The following NGFR variants were observed in gnomAD, a reference collection of about 807,000 sequenced individuals.
NGFR encodes tumor necrosis factor receptor superfamily member 16.
Under a neutral mutation model 43.2 loss-of-function variants are expected in NGFR, and 30 were observed. The ratio of observed to expected loss-of-function variants is 0.69; its 90% CI spans 0.52 to 0.94. The LOEUF (loss-of-function observed/expected upper bound fraction) is 0.94, where lower values mean the gene tolerates loss of function less well. NGFR is among the 40% of genes least tolerant of loss of function. NGFR has a pLI of 0.00. For synonymous variants in NGFR, 246 were observed against 259.6 expected (o/e 0.95, Z 0.50); for missense variants, 529 against 602.5 (o/e 0.88, Z 1.28).
rs1351110254 is a variant in NGFR, at chr17:49,512,729, T to A, written c.1004T>A (p.Leu335His). The change falls in exon 6 of 6, where the codon CTC becomes CAC. Residue 335 changes from leucine (L) to histidine (H), a missense_variant. Coordinates refer to ENST00000172229, the MANE Select transcript of NGFR (RefSeq NM_002507.4). This position sits in a 1 kb window ranked among gnomAD's most constrained non-coding sequence, Gnocchi z 5.2. ...SGQALKGDGG[L>H]YSSLPPAKRE... ...GCAGCCCTCAAGGGTGACGGAGGCC[T>A]CTACAGCAGCCTGCCCCCAGCCAAG... is the stretch of plus-strand genomic sequence containing the variant. 1 of 1,608,594 alleles carries A rather than the reference T, an allele frequency of 6.2e-7. No individual in the cohort carries two copies. The highest frequency in any genetic ancestry group is 1.7e-5 in the Admixed American group (1 of 59,658).
intron 1 of NGFR, chr17:49,497,460 A>G (rs1422274056): frequency 6.6e-6 from 1 of 152,330 alleles, no homozygotes; most frequent in African/African-American, 2.4e-5. Context: ...GGGTCTGGGC[A>G]AGAGCGAGGG....
Position 49,506,595 on chromosome 17 carries a change from G to A in NGFR, c.505G>A (p.Val169Met), listed in dbSNP as rs1318730161. ...NHVDPCLPCT[V>M]CEDTERQLRE... ...CGTGGACCCGTGCCTGCCCTGCACC[G>A]TGTGCGAGGACACCGAGCGCCAGCT... Residue 169 changes from valine (V) to methionine (M), a missense_variant, in exon 3 of 6, where the codon GTG (valine) becomes ATG (methionine). Physicochemically the swap from Val to Met is conservative, Grantham distance 21 (BLOSUM62 1). Coordinates refer to ENST00000172229, the MANE Select transcript of NGFR (RefSeq NM_002507.4). 11 of 1,607,830 alleles carry A rather than the reference G, an allele frequency of 6.8e-6. No homozygotes were observed. Among genetic ancestry groups the A allele is most frequent in the South Asian group, 1.1e-5 (1 of 90,738 alleles).
intron 3 of NGFR, among the ~76,000 whole-genome samples, chr17:49,507,449 T>C (rs1213092229): frequency 1.3e-5 from 2 of 152,086 alleles, no homozygotes; most frequent in Non-Finnish European, 2.9e-5. Flanking sequence ...GACAAGGCAG[T>C]GCATGCTCGT....
At chr17:49,500,717 T>C (rs1288978460) in intron 1 of NGFR, among the ~76,000 whole-genome samples, 2 of 152,204 alleles carry the variant, frequency 1.3e-5, no homozygotes, top group Non-Finnish European at 2.9e-5. Flanking sequence ...GTTGCTGCCC[T>C]GGAGGAGGTG....
chr17:49,512,389 C>T lies in NGFR; in HGVS notation c.983-319C>T, dbSNP rs2071239210. 6.6e-6 allele frequency among the ~76,000 whole-genome samples: 1 copy of T among 152,222 alleles called. No individual in the cohort carries two copies. The highest frequency in any genetic ancestry group is 1.5e-5 in the Non-Finnish European group (1 of 68,042). Reference sequence around the variant, plus strand: ...GTTAAGTGTGTACCCTAATTAGTGGCCCATAGCCCAGCTCCGGGACACTTG... The same window carrying T: ...GTTAAGTGTGTACCCTAATTAGTGGTCCATAGCCCAGCTCCGGGACACTTG... On this transcript the variant is annotated intron_variant, in intron 5 of 5. Transcript: ENST00000172229. This position sits in a 1 kb window ranked among gnomAD's most constrained non-coding sequence, Gnocchi z 5.2.
chr17:49,511,843 C>T, intron 4 of NGFR, 49 bp from the exon 5 acceptor site: 1 of 1,496,686 alleles, frequency 6.7e-7, no homozygotes, highest in South Asian at 1.3e-5. Flanking sequence ...GCTGCATCGG[C>T]CACTACAGCC....
Position 49,502,092 on chromosome 17 carries a change from C to T in NGFR, c.96C>T (p.Cys32=). The change falls in exon 2 of 6, where the codon TGC becomes TGT. Residue 32 remains cysteine (C), a synonymous_variant. Transcript: ENST00000172229. The part of the protein sequence containing the change: ...GVSLGGAKEA[C]PTGLYTHSGE... ...CCCTTGGAGGTGCCAAGGAGGCATG[C>T]CCCACAGGCCTGTACACACACAGCG... The T allele has an allele frequency of 3.8e-6, 6 of 1,563,898 alleles. No homozygotes were observed. Among genetic ancestry groups the T allele is most frequent in the Non-Finnish European group, 5.2e-6 (6 of 1,149,170 alleles).
In NGFR at chr17:49,504,102, A is replaced by G. The variant is rs533434136; in HGVS notation, c.208+1898A>G. Among the ~76,000 whole-genome samples the G allele has an allele frequency of 1.3e-3, 192 of 151,272 alleles. 1 individual carries two copies. Among genetic ancestry groups the G allele is most frequent in the Non-Finnish European group, 2.4e-3 (161 of 67,810 alleles). ...TGCCTTTACAAGCCCACTTTATGGGACGGAGACCCCAGCGGACTTTCCCTC... is the reference window on the plus strand; with the variant it reads ...TGCCTTTACAAGCCCACTTTATGGGGCGGAGACCCCAGCGGACTTTCCCTC... On this transcript the variant is annotated intron_variant, in intron 2 of 5. Transcript: ENST00000172229.
intron 2 of NGFR, among the ~76,000 whole-genome samples, chr17:49,504,769 C>CTTTTTTTTTTTTTTTTTT (rs67010321): frequency 3.6e-5 from 4 of 110,928 alleles, no homozygotes; most frequent in Non-Finnish European, 7.6e-5. Context: ...TTCTTTCTTT[C>CTTTTTTTTTTTTTTTTTT]TTTTTTTTTT....
At chr17:49,501,999 A>AGCGGCCCCCCCCCC in intron 1 of NGFR, 64 bp from the exon 2 acceptor site, 1 of 330,984 alleles carries the variant, frequency 3.0e-6, no homozygotes, top group Non-Finnish European at 5.9e-6. Context: ...TCCCCGGAAG[A>AGCGGCCCCCCCCCC]ACCCCCCCCA....
rs1400060595 is a variant in NGFR, at chr17:49,495,307, C to G, written c.-111C>G. ...CGCCCGCAGCCAGAGCGAGCCGAGC[C>G]GCGGCCAGCTCCGGCGGGCAGGGGG... is the stretch of plus-strand genomic sequence containing the variant. On this transcript the variant is annotated 5_prime_UTR_variant, in exon 1 of 6. Transcript: ENST00000172229. The surrounding 1 kb of genome is among the most constrained non-coding windows in gnomAD (Gnocchi z 6.4). 1 of 909,540 alleles carries G rather than the reference C, an allele frequency of 1.1e-6. No individual in the cohort carries two copies. The highest frequency in any genetic ancestry group is 3.4e-5 in the East Asian group (1 of 29,492). The allele number at this position is 909,540 out of a possible 1,614,324, so 56.3% of individuals were successfully genotyped here.
At chr17:49,510,707 C>A in intron 4 of NGFR, 43 bp downstream of exon 4, 2 of 1,602,052 alleles carry the variant, frequency 1.2e-6, no homozygotes, top group South Asian at 2.2e-5. Context: ...AGATGTTTGC[C>A]CTCAAGGAAG....
chr17:49,510,268 C>T, intron 3 of NGFR, 144 bp from the exon 4 acceptor site: 2 of 1,213,926 alleles, frequency 1.6e-6, no homozygotes, highest in South Asian at 1.4e-5. Context: ...TGACATCATG[C>T]ACGCAATCCC....
chr17:49,502,000 A>ACCGCCCCCCCCCCCCC, intron 1 of NGFR, 63 bp from the exon 2 acceptor site: 1 of 264,886 alleles, frequency 3.8e-6, no homozygotes, highest in East Asian at 8.6e-5. Flanking sequence ...CCCCGGAAGA[A>ACCGCCCCCCCCCCCCC]CCCCCCCCAA....
At chr17:49,496,928 G>A (rs1196428232) in intron 1 of NGFR, 4 of 152,284 alleles carry the variant, frequency 2.6e-5, no homozygotes, top group Non-Finnish European at 5.9e-5. Context: ...GGCAACGGAG[G>A]AGGCGTCTTC....
At chr17:49,506,687 T>TGGGG (rs1208708275) in intron 3 of NGFR, 29 bp downstream of exon 3, 30 of 129,034 alleles carry the variant, frequency 2.3e-4, no homozygotes, top group Non-Finnish European at 2.7e-4. Context: ...GCGGGGGGAG[T>TGGGG]GGGGGTGCGG....
intron 3 of NGFR, among the ~76,000 whole-genome samples, chr17:49,508,108 T>A (rs2071210394): frequency 6.6e-6 from 1 of 152,090 alleles, no homozygotes; most frequent in Non-Finnish European, 1.5e-5. Context: ...AGGAGTAGGA[T>A]GTGGTGGTTC....
At chr17:49,508,754 C>G (rs11466144) in intron 3 of NGFR, among the ~76,000 whole-genome samples, 2 of 151,988 alleles carry the variant, frequency 1.3e-5, no homozygotes, top group Non-Finnish European at 1.5e-5. Context: ...CTCATCCCCC[C>G]GCCCCCGTCA....
chr17:49,502,000 A>AGGGG, intron 1 of NGFR, 63 bp from the exon 2 acceptor site: 10 of 264,884 alleles, frequency 3.8e-5, no homozygotes, highest in Non-Finnish European at 6.3e-5. Flanking sequence ...CCCCGGAAGA[A>AGGGG]CCCCCCCCAA....
Sources: allele counts gnomAD v4.1 joint callset (sites outside exome capture counted in the v4.1 genomes callset), GRCh38; gene constraint gnomAD v4.1.1; non-coding constraint Gnocchi (gnomAD v3.1); transcripts MANE v1.5; gene names NCBI Gene and HGNC (gene_info 2026-07-23, HGNC 2026-07-21).